TOX2: variants seen among roughly 807,000 people sequenced by gnomAD.
The protein encoded by TOX2 is granulosa cell HMG box 1.
Under a neutral mutation model 47.4 loss-of-function variants are expected in TOX2, and 15 were observed. The observed-to-expected ratio is 0.32, with a 90% CI of 0.21 to 0.49. The LOEUF is 0.49. Among genes scored for constraint, TOX2 ranks in the 20% least tolerant of loss-of-function variants. The probability of loss-of-function intolerance (pLI) is 0.99; values close to 1 mark genes in which losing one functional copy is unlikely to be tolerated. For synonymous variants in TOX2, 290 were observed against 296.6 expected, an observed-to-expected ratio of 0.98 and a Z score of 0.23; for missense variants, 622 against 673.1, an observed-to-expected ratio of 0.92 and a Z score of 0.84.
intron 3 of TOX2, among the ~76,000 whole-genome samples, chr20:44,039,538 A>G (rs1193972223): frequency 6.6e-6 from 1 of 152,122 alleles, no homozygotes; most frequent in African/African-American, 2.4e-5. Context: ...AGCCCTGAAA[A>G]CAGACCCTGA....
chr20:43,974,249 T>C (rs1036560874), intron 2 of TOX2, among the ~76,000 whole-genome samples: 1 of 148,220 alleles, frequency 6.7e-6, no homozygotes, highest in African/African-American at 2.5e-5. Flanking sequence ...CCCTGGGGAA[T>C]GTCATCCCTA....
intron 2 of TOX2, among the ~76,000 whole-genome samples, chr20:43,984,234 T>C (rs1325234850): frequency 6.6e-6 from 1 of 152,222 alleles, no homozygotes; most frequent in Non-Finnish European, 1.5e-5. Context: ...TATCAGAACA[T>C]GATTCATGAG....
At chr20:44,033,807 G>C (rs952620666) in intron 3 of TOX2, among the ~76,000 whole-genome samples, 2 of 152,216 alleles carry the variant, frequency 1.3e-5, no homozygotes, top group African/African-American at 4.8e-5. Context: ...GGAGGTGCAT[G>C]TGCTGTTCTT....
chr20:44,015,357 C>T (rs2070861823), intron 3 of TOX2, among the ~76,000 whole-genome samples: 1 of 152,184 alleles, frequency 6.6e-6, no homozygotes, highest in Non-Finnish European at 1.5e-5. Flanking sequence ...CTGCAGGGGA[C>T]CGCTCCGTTT....
At chr20:44,049,415 A>ATTT (rs1342760662) in intron 3 of TOX2, among the ~76,000 whole-genome samples, 3 of 152,226 alleles carry the variant, frequency 2.0e-5, no homozygotes, top group African/African-American at 7.2e-5. Flanking sequence ...TACTTTGATA[A>ATTT]TTTTTGTTAC....
intron 3 of TOX2, among the ~76,000 whole-genome samples, chr20:44,043,850 G>T (rs962836973): frequency 4.6e-5 from 7 of 152,218 alleles, no homozygotes; most frequent in African/African-American, 1.2e-4. Context: ...TGAATCTGAA[G>T]AGTAGACACA....
At chr20:43,953,078 C>T (rs1485655051) in intron 1 of TOX2, among the ~76,000 whole-genome samples, 1 of 151,816 alleles carries the variant, frequency 6.6e-6, no homozygotes, top group African/African-American at 2.4e-5. Flanking sequence ...AGGAAGGGAC[C>T]ACAAGCTAAG....
At chr20:44,044,292 G>T (rs189565993) in intron 3 of TOX2, among the ~76,000 whole-genome samples, 1 of 152,168 alleles carries the variant, frequency 6.6e-6, no homozygotes, top group East Asian at 1.9e-4. Flanking sequence ...GGCGGTTGTG[G>T]GGAGGGATAG....
chr20:43,924,944 C>G (rs2069148881), intron 1 of TOX2, among the ~76,000 whole-genome samples: 1 of 152,188 alleles, frequency 6.6e-6, no homozygotes, highest in African/African-American at 2.4e-5. Flanking sequence ...CCATCAAACC[C>G]TTTCTTCAGT....
At chr20:44,033,146 G>T (rs1431845160) in intron 3 of TOX2, among the ~76,000 whole-genome samples, 3 of 152,218 alleles carry the variant, frequency 2.0e-5, no homozygotes, top group Non-Finnish European at 4.4e-5. Context: ...CACCAAGCAT[G>T]AAAGTGTATT....
intron 5 of TOX2, among the ~76,000 whole-genome samples, chr20:44,056,282 G>A (rs2071614266): frequency 6.6e-6 from 1 of 152,244 alleles, no homozygotes; most frequent in African/African-American, 2.4e-5. Flanking sequence ...GCTGGAAGTA[G>A]AGCATGTTTG....
At chr20:43,929,616 C>T (rs936846409) in intron 1 of TOX2, among the ~76,000 whole-genome samples, 5 of 152,336 alleles carry the variant, frequency 3.3e-5, no homozygotes, top group East Asian at 1.9e-4. Flanking sequence ...CAGCTTCATC[C>T]TCGTCTTCCC....
At chr20:43,959,428 G>T (rs1417486606) in intron 1 of TOX2, among the ~76,000 whole-genome samples, 1 of 152,220 alleles carries the variant, frequency 6.6e-6, no homozygotes, top group African/African-American at 2.4e-5. Flanking sequence ...AGTGAACCTG[G>T]CACTTTGTCT....
intron 1 of TOX2, among the ~76,000 whole-genome samples, chr20:43,940,208 G>A (rs901693546): frequency 6.6e-6 from 1 of 151,984 alleles, no homozygotes; most frequent in African/African-American, 2.4e-5. Flanking sequence ...ATTTTAAATG[G>A]TGGGACGTCA....
intron 1 of TOX2, among the ~76,000 whole-genome samples, chr20:43,948,542 AGGGGCAG>A (rs961243887): frequency 2.0e-5 from 3 of 152,206 alleles, no homozygotes; most frequent in African/African-American, 7.2e-5. Flanking sequence ...AATTGGGAGC[AGGGGCAG>A]GGAGGTGAGG....
At chr20:44,066,986 T>A in intron 8 of TOX2, 129 bp downstream of exon 8, 1 of 1,340,922 alleles carries the variant, frequency 7.5e-7, no homozygotes, top group South Asian at 1.5e-5. Flanking sequence ...TCAGCCCTGC[T>A]GAGGGGATCG....
chr20:44,006,603 T>C lies in TOX2; in HGVS notation c.222T>C (p.Pro74=). The C allele has an allele frequency of 1.9e-6, 3 of 1,613,960 alleles. No individual in the cohort carries two copies. In the South Asian group the frequency reaches 3.3e-5, roughly 18 times the overall value. Residue 74 remains proline (P), a synonymous_variant, in exon 3 of 9, where the codon CCT becomes CCC. Transcript: ENST00000341197. ...NEDYEIPPIT[P]PNLPEPSLLH... ...ACTATGAGATCCCCCCGATAACACC[T>C]CCCAACCTCCCGGAGCCATCCCTCC...
chr20:43,935,547 A>G (rs148864518), intron 1 of TOX2, among the ~76,000 whole-genome samples: 44 of 152,330 alleles, frequency 2.9e-4, no homozygotes, highest in Admixed American at 8.5e-4. Context: ...ACAGCCCTGC[A>G]AATTATGTAT....
Position 44,051,344 on chromosome 20 carries a change from C to A in TOX2, c.450C>A (p.Asp150Glu). Reference sequence around the variant, plus strand: ...TCCACTCGGAAGTGGCTGCCTATGACTCGGGCCGGCCCGGGCCCCTGCTGG... The same window carrying A: ...TCCACTCGGAAGTGGCTGCCTATGAATCGGGCCGGCCCGGGCCCCTGCTGG... The part of the protein sequence containing the change: ...EMVHSEVAAY[D>E]SGRPGPLLGR... The change falls in exon 4 of 9, where the codon GAC (aspartate) becomes GAA (glutamate). Residue 150 changes from aspartate (D) to glutamate (E), a missense_variant. Around this residue, in one of 3 missense-constraint regions of TOX2, gnomAD observed 307 missense variants for 327.3 expected, o/e 0.94. Transcript: ENST00000341197. 6.2e-7 allele frequency: 1 copy of A among 1,612,920 alleles called. No homozygotes were observed. Among genetic ancestry groups the A allele is most frequent in the Non-Finnish European group, 8.5e-7 (1 of 1,179,214 alleles).
Sources: allele counts gnomAD v4.1 joint callset (sites outside exome capture counted in the v4.1 genomes callset), GRCh38; gene constraint gnomAD v4.1.1; regional missense constraint gnomAD v4.1.1; transcripts MANE v1.5; gene names NCBI Gene and HGNC (gene_info 2026-07-23, HGNC 2026-07-21).